The following RYR2 variants were observed in gnomAD, a reference collection of about 807,000 sequenced individuals.
RYR2 encodes the protein ryanodine receptor 2.
A neutral mutation model predicts 601.1 loss-of-function variants in RYR2; 227 were observed. The ratio of observed to expected loss-of-function variants is 0.38; its 90% CI spans 0.34 to 0.42. The LOEUF (loss-of-function observed/expected upper bound fraction) is 0.42. Among genes scored for constraint, RYR2 ranks in the 10% least tolerant of loss-of-function variants. The pLI, the probability that RYR2 is intolerant of heterozygous loss-of-function variation, is 1.00. For missense variants in RYR2, 4,646 were observed against 6,156.5 expected, an observed-to-expected ratio of 0.75 and a Z score of 8.21; for synonymous variants, 2,223 against 2,175.1, an observed-to-expected ratio of 1.02 and a Z score of -0.61.
chr1:237,530,399 C>G, intron 24 of RYR2, 28 bp from the exon 25 acceptor site: 1 of 1,529,658 alleles, frequency 6.5e-7, no homozygotes, highest in Non-Finnish European at 9.0e-7. Flanking sequence ...AAGAAATGAT[C>G]ACACTTATCT....
At chr1:237,682,708 C>T (rs1442639432) in intron 62 of RYR2, among the ~76,000 whole-genome samples, 1 of 152,120 alleles carries the variant, frequency 6.6e-6, no homozygotes, top group African/African-American at 2.4e-5. Flanking sequence ...TTAAATGATG[C>T]ATGACTGTAT....
intron 56 of RYR2, among the ~76,000 whole-genome samples, chr1:237,661,683 A>G (rs1683814523): frequency 6.6e-6 from 1 of 152,136 alleles, no homozygotes; most frequent in Non-Finnish European, 1.5e-5. Flanking sequence ...ATCCAGATTT[A>G]GAAGGCACAA....
At chr1:237,551,338 G>A (rs141804183) in intron 27 of RYR2, among the ~76,000 whole-genome samples, 2,810 of 151,944 alleles carry the variant, frequency 0.018, 95 homozygotes, top group African/African-American at 0.065. Flanking sequence ...GACCATCCTG[G>A]CTAACACAGT....
At chr1:237,445,302 A>G (rs1028109612) in intron 13 of RYR2, 99 bp from the exon 14 acceptor site, 4 of 1,472,210 alleles carry the variant, frequency 2.7e-6, no homozygotes, top group Non-Finnish European at 3.7e-6. Flanking sequence ...TTTTGATTCT[A>G]TCTGTTGTTA....
chr1:237,783,676 T>C lies in RYR2; in HGVS notation c.11964T>C (p.Gly3988=). ...CAAATGCAACTGCTTTACCACCAGG[T>C]AATGTTGTTAATGGAACGATTGGCA... is the stretch of plus-strand genomic sequence containing the variant. ...MVVMLLSMLE[G]NVVNGTIGKQ... is the part of the protein sequence containing the mutation. The change falls in exon 90 of 105, where the codon GGT becomes GGC. Residue 3988 remains glycine, a splice_region_variant and synonymous_variant. Coordinates refer to ENST00000366574, the MANE Select transcript of RYR2 (RefSeq NM_001035.3). The C allele has an allele frequency of 6.3e-7, 1 of 1,592,256 alleles. No homozygotes were observed. Among genetic ancestry groups the C allele is most frequent in the Non-Finnish European group, 8.6e-7 (1 of 1,164,666 alleles).
chr1:237,513,780 A>G (rs1468437190), intron 24 of RYR2, among the ~76,000 whole-genome samples: 1 of 152,200 alleles, frequency 6.6e-6, no homozygotes, highest in Non-Finnish European at 1.5e-5. Flanking sequence ...TCTACGATCT[A>G]GGTTTGTACG....
chr1:237,156,914 GGAAT>G (rs1282764652), intron 1 of RYR2, among the ~76,000 whole-genome samples: 1 of 152,178 alleles, frequency 6.6e-6, no homozygotes, highest in Non-Finnish European at 1.5e-5. Flanking sequence ...CAGAGAAAGG[GGAAT>G]GCTTGCGCAC....
intron 1 of RYR2, among the ~76,000 whole-genome samples, chr1:237,179,479 T>C (rs747940613): frequency 2.6e-5 from 4 of 151,744 alleles, no homozygotes; most frequent in South Asian, 2.1e-4. Context: ...CTTCTAGAAA[T>C]GGGGAGGGAG....
At position 237,603,245 on chromosome 1, in the gene RYR2, C is replaced by T. The variant is rs769021063; in HGVS notation, c.4683+1134C>T. Reference sequence around the variant, plus strand: ...CCAAGGGAACGGGCTTGGTGGAATCCGCGGGGAAAGAAGACCCTGTTGAGC... The same window carrying T: ...CCAAGGGAACGGGCTTGGTGGAATCTGCGGGGAAAGAAGACCCTGTTGAGC... On this transcript the variant is annotated intron_variant, in intron 35 of 104. Transcript: ENST00000366574. Among the ~76,000 whole-genome samples, 12 of 152,072 alleles carry T rather than the reference C, an allele frequency of 7.9e-5. No homozygotes were observed. In the South Asian group the frequency reaches 1.4e-3, roughly 18 times the overall value.
intron 1 of RYR2, among the ~76,000 whole-genome samples, chr1:237,153,859 A>C (rs1455466335): frequency 6.6e-6 from 1 of 152,142 alleles, no homozygotes; most frequent in South Asian, 2.1e-4. Context: ...TACTAGGCAA[A>C]CAGGGTTTTT....
At chr1:237,427,893 T>C in intron 12 of RYR2, among the ~76,000 whole-genome samples, 1 of 150,576 alleles carries the variant, frequency 6.6e-6, no homozygotes, top group Non-Finnish European at 1.5e-5. Flanking sequence ...TATTGCATGG[T>C]ATTGAAGAGT....
At chr1:237,555,472 G>A (rs1670791498) in intron 27 of RYR2, among the ~76,000 whole-genome samples, 1 of 151,938 alleles carries the variant, frequency 6.6e-6, no homozygotes, top group South Asian at 2.1e-4. Context: ...CTCACACCTG[G>A]TTTTATAGTC....
Position 237,590,737 on chromosome 1 carries a change from A to C in RYR2, c.3905A>C (p.Tyr1302Ser). Residue 1302 changes from tyrosine to serine, a missense_variant, in exon 31 of 105, where the codon TAT becomes TCT. By Grantham distance (144) the Tyr-to-Ser change is moderately radical (BLOSUM62 -2). Coordinates refer to ENST00000366574, the MANE Select transcript of RYR2 (RefSeq NM_001035.3). ...SQNSNTDIMF[Y>S]RLSMPIECAE... The stretch of plus-strand genomic sequence containing the variant: ...AACAGCAACACTGATATCATGTTTT[A>C]TCGCCTGAGCATGCCGATCGAGTGC... The C allele has an allele frequency of 1.2e-6, 2 of 1,613,170 alleles. No individual in the cohort carries two copies. Among genetic ancestry groups the C allele is most frequent in the Non-Finnish European group, 1.7e-6 (2 of 1,179,380 alleles).
At chr1:237,747,990 C>T (rs991635241) in intron 80 of RYR2, among the ~76,000 whole-genome samples, 5 of 152,200 alleles carry the variant, frequency 3.3e-5, no homozygotes, top group East Asian at 3.9e-4. Flanking sequence ...CGCTGATTGC[C>T]GCAATCTGCC....
chr1:237,661,565 C>T (rs564202062), intron 56 of RYR2, among the ~76,000 whole-genome samples: 34 of 152,166 alleles, frequency 2.2e-4, no homozygotes, highest in Non-Finnish European at 4.0e-4. Flanking sequence ...GAAAACAGTA[C>T]ATCATGTTCG....
In RYR2 at chr1:237,548,601, A is replaced by G. The variant is rs764894788; in HGVS notation, c.3066+11A>G. On this transcript the variant is annotated intron_variant, in intron 26 of 104. Coordinates refer to ENST00000366574, the MANE Select transcript of RYR2 (RefSeq NM_001035.3). ...TATGGCATCCAACAGGTACATGGGA[A>G]TTAGCATTTGGTCTGAGACTTACTT... 22 of 1,612,548 alleles carry G rather than the reference A, an allele frequency of 1.4e-5. No individual in the cohort carries two copies. In the Admixed American group the frequency reaches 2.7e-4, roughly 20 times the overall value.
chr1:237,721,685 A>AT (rs1398418349), intron 73 of RYR2, among the ~76,000 whole-genome samples: 5 of 151,952 alleles, frequency 3.3e-5, no homozygotes, highest in Admixed American at 6.6e-5. Flanking sequence ...CACCCAGCTA[A>AT]TTTTTTGTAT....
rs561690712 is a variant in RYR2, at chr1:237,301,702, T to C, written c.169-29176T>C. Among the ~76,000 whole-genome samples, 14 of 152,314 alleles carry C rather than the reference T, an allele frequency of 9.2e-5. No individual in the cohort carries two copies. In the East Asian group the frequency reaches 1.9e-3, roughly 21 times the overall value. On this transcript the variant is annotated intron_variant, in intron 2 of 104. Coordinates refer to ENST00000366574, the MANE Select transcript of RYR2 (RefSeq NM_001035.3). ...ACAAAAGACAAAAGCAATCTAATAA[T>C]GACTTTAGATCTGTAGTCTATCCAG...
chr1:237,507,748 G>A (rs1405123120), intron 23 of RYR2, among the ~76,000 whole-genome samples: 1 of 152,216 alleles, frequency 6.6e-6, no homozygotes, highest in East Asian at 1.9e-4. Context: ...TCTTGCAGTT[G>A]CTAAATGCCT....
Sources: allele counts gnomAD v4.1 joint callset (sites outside exome capture counted in the v4.1 genomes callset), GRCh38; gene constraint gnomAD v4.1.1; transcripts MANE v1.5; gene names NCBI Gene and HGNC (gene_info 2026-07-23, HGNC 2026-07-21).